STPG2: variants seen among roughly 807,000 people sequenced by gnomAD.
The protein encoded by STPG2 is sperm-tail PG-rich repeat-containing protein 2.
STPG2 carries 56 observed loss-of-function variants against 54.2 expected under a neutral mutation model. That is an observed-to-expected ratio of 1.03 (90% CI 0.83 to 1.29). STPG2 has a LOEUF of 1.29. Ranked by LOEUF, STPG2 falls within the 50% of genes most tolerant of loss-of-function variation. The pLI is 0.00. For missense variants in STPG2, 596 were observed against 544.9 expected (o/e 1.09, Z -0.93); for synonymous variants, 200 against 181.8 (o/e 1.10, Z -0.81).
intron 4 of STPG2, among the ~76,000 whole-genome samples, chr4:97,465,798 G>T (rs57945521): frequency 0.027 from 4,031 of 151,886 alleles, 174 homozygotes; most frequent in African/African-American, 0.09. Flanking sequence ...CTGTTGAATT[G>T]TACTTTTTGA....
intron 9 of STPG2, among the ~76,000 whole-genome samples, chr4:97,819,591 G>T (rs377678564): frequency 6.6e-6 from 1 of 152,050 alleles, no homozygotes; most frequent in Non-Finnish European, 1.5e-5. Flanking sequence ...GCTATGCATT[G>T]CTGAGTCTAT....
At chr4:97,924,331 A>G (rs1023034498) in intron 8 of STPG2, among the ~76,000 whole-genome samples, 1 of 152,230 alleles carries the variant, frequency 6.6e-6, no homozygotes, top group Non-Finnish European at 1.5e-5. Flanking sequence ...AAACATTTTA[A>G]ACATATGTGA....
At chr4:97,961,781 C>T (rs1050754574) in intron 7 of STPG2, among the ~76,000 whole-genome samples, 8 of 152,162 alleles carry the variant, frequency 5.3e-5, no homozygotes, top group African/African-American at 1.9e-4. Context: ...AGTACAACCA[C>T]TATGGAAAAC....
intron 9 of STPG2, among the ~76,000 whole-genome samples, chr4:97,746,736 C>T (rs1484452976): frequency 6.6e-6 from 1 of 151,228 alleles, no homozygotes; most frequent in Non-Finnish European, 1.5e-5. Context: ...AATAACTTTT[C>T]TTTACCTAAA....
chr4:97,798,144 C>A (rs1727263787), intron 9 of STPG2, among the ~76,000 whole-genome samples: 1 of 152,140 alleles, frequency 6.6e-6, no homozygotes, highest in African/African-American at 2.4e-5. Flanking sequence ...CTCCTGGATT[C>A]ATCGATTTTT....
At chr4:97,764,112 GCACACACACACACA>G (rs3974908) in intron 9 of STPG2, among the ~76,000 whole-genome samples, 5 of 141,076 alleles carry the variant, frequency 3.5e-5, no homozygotes, top group Admixed American at 1.4e-4. Flanking sequence ...AACACCACAT[GCACACACACACACA>G]CACACACACA....
At chr4:97,849,502 A>C (rs1300829727) in intron 8 of STPG2, among the ~76,000 whole-genome samples, 2 of 151,936 alleles carry the variant, frequency 1.3e-5, no homozygotes, top group African/African-American at 4.8e-5. Flanking sequence ...CATGGGAGAA[A>C]ATTTTCGCAA....
intron 9 of STPG2, among the ~76,000 whole-genome samples, chr4:97,729,506 A>T (rs1291652899): frequency 2.0e-5 from 3 of 152,196 alleles, no homozygotes; most frequent in Non-Finnish European, 4.4e-5. Flanking sequence ...CAAAATAGAA[A>T]TATATTAGAA....
intron 5 of STPG2, among the ~76,000 whole-genome samples, chr4:98,038,852 T>G (rs17483016): frequency 0.014 from 2,077 of 151,974 alleles, 19 homozygotes; most frequent in Non-Finnish European, 0.02. Flanking sequence ...GCAGAGAATA[T>G]GAACAGGAAT....
intron 5 of STPG2, among the ~76,000 whole-genome samples, chr4:98,094,722 C>A (rs888389447): frequency 6.6e-6 from 1 of 152,136 alleles, no homozygotes; most frequent in African/African-American, 2.4e-5. Flanking sequence ...CCACCTCAAA[C>A]CCCCATGGAT....
At chr4:97,922,885 AACATG>A (rs1473901283) in intron 8 of STPG2, among the ~76,000 whole-genome samples, 1 of 117,102 alleles carries the variant, frequency 8.5e-6, no homozygotes, top group African/African-American at 4.4e-5. Flanking sequence ...GAAACTTTAT[AACATG>A]AGTATTTCTT....
At chr4:97,611,820 T>A (rs965846283) in intron 10 of STPG2, among the ~76,000 whole-genome samples, 1 of 151,816 alleles carries the variant, frequency 6.6e-6, no homozygotes, top group African/African-American at 2.4e-5. Context: ...TCATATGGAT[T>A]ATAGTTACAT....
intron 9 of STPG2, among the ~76,000 whole-genome samples, chr4:97,718,324 G>A (rs1724352858): frequency 6.6e-6 from 1 of 151,914 alleles, no homozygotes; most frequent in Non-Finnish European, 1.5e-5. Context: ...TTTAAATTGT[G>A]ACTATTTTCC....
At chr4:98,094,024 G>C (rs1738770681) in intron 5 of STPG2, among the ~76,000 whole-genome samples, 1 of 152,174 alleles carries the variant, frequency 6.6e-6, no homozygotes, top group Admixed American at 6.5e-5. Context: ...AGTAGACTGG[G>C]TTTAGAGCCA....
rs568271514 is a variant in STPG2 at position 97,928,855 on chromosome 4, G to C, written c.1044+15042C>G. Reference sequence around the variant, plus strand: ...AATTAAGTCTTCTTTTATTTGTGTAGTTGATTTAAAATAAACCAATTTTAT... The same window carrying C: ...AATTAAGTCTTCTTTTATTTGTGTACTTGATTTAAAATAAACCAATTTTAT... On this transcript the variant is annotated intron_variant, in intron 8 of 10. Coordinates refer to ENST00000295268, the MANE Select transcript of STPG2 (RefSeq NM_174952.3). Among the ~76,000 whole-genome samples, 51 of 152,062 alleles carry C rather than the reference G, an allele frequency of 3.4e-4. 1 individual carries two copies. Among genetic ancestry groups the C allele is most frequent in the South Asian group, 2.5e-3 (12 of 4,822 alleles).
At chr4:97,677,432 G>T (rs532870293) in intron 10 of STPG2, among the ~76,000 whole-genome samples, 3 of 152,078 alleles carry the variant, frequency 2.0e-5, no homozygotes, top group African/African-American at 7.2e-5. Flanking sequence ...AGATTTAATA[G>T]ATGTCTGCAA....
At chr4:97,917,619 C>T (rs1171439207) in intron 8 of STPG2, among the ~76,000 whole-genome samples, 1 of 151,886 alleles carries the variant, frequency 6.6e-6, no homozygotes, top group African/African-American at 2.4e-5. Flanking sequence ...ATACAATAAA[C>T]TTAAGCTTTT....
chr4:97,936,228 T>A (rs947784113), intron 8 of STPG2, among the ~76,000 whole-genome samples: 1 of 152,232 alleles, frequency 6.6e-6, no homozygotes, highest in Non-Finnish European at 1.5e-5. Flanking sequence ...ACCATTTGCT[T>A]GGTAAATTTT....
At position 97,929,705 on chromosome 4, in the gene STPG2, C is replaced by T. The variant is rs6829871; in HGVS notation, c.1044+14192G>A. ...GATAAGTGTCTGTTCATGTCCTTTG[C>T]CCACTTTTTAATGGGGTTTTGTTTT... On this transcript the variant is annotated intron_variant, in intron 8 of 10. Coordinates refer to ENST00000295268, the MANE Select transcript of STPG2 (RefSeq NM_174952.3). Among the ~76,000 whole-genome samples, 467 of 152,206 alleles carry T rather than the reference C, an allele frequency of 3.1e-3. 2 individuals carry two copies. Among genetic ancestry groups the T allele is most frequent in the African/African-American group, 0.011 (455 of 41,534 alleles).
Sources: allele counts gnomAD v4.1 joint callset (sites outside exome capture counted in the v4.1 genomes callset), GRCh38; gene constraint gnomAD v4.1.1; transcripts MANE v1.5; gene names NCBI Gene and HGNC (gene_info 2026-07-23, HGNC 2026-07-21).